OSCP1: variants seen among roughly 807,000 people sequenced by gnomAD.
OSCP1 encodes the protein organic solute carrier partner 1, also known as protein OSCP1.
A neutral mutation model predicts 45.1 loss-of-function variants in OSCP1; 35 were observed. The ratio of observed to expected loss-of-function variants is 0.78; its 90% confidence interval spans 0.59 to 1.03. OSCP1 has a LOEUF of 1.03. Among genes scored for constraint, OSCP1 ranks in the 50% least tolerant of loss-of-function variants. The probability of loss-of-function intolerance (pLI) is 0.00; values close to 1 mark genes in which losing one functional copy is unlikely to be tolerated. For missense variants in OSCP1, 400 were observed against 470.7 expected (o/e 0.85, Z 1.39); for synonymous variants, 179 against 180.1 (o/e 0.99, Z 0.05).
At chr1:36,428,113 C>T in intron 4 of OSCP1, 4 of 296,898 alleles carry the variant, frequency 1.3e-5, no homozygotes, top group Non-Finnish European at 1.9e-5. Context: ...TTGCTTGAAC[C>T]AGGGAGGTGG....
chr1:36,423,439 G>C lies in OSCP1; in HGVS notation c.544C>G (p.Gln182Glu), dbSNP rs1351661519. 21 of 1,612,214 alleles carry C rather than the reference G, an allele frequency of 1.3e-5. No homozygotes were observed. Among genetic ancestry groups the C allele is most frequent in the Non-Finnish European group, 1.7e-5 (20 of 1,179,246 alleles). ...AACACAAAGCGACCGTTATTATTCT[G>C]AACTTTGTCCTTTAGAAACATGGAT... is the stretch of plus-strand genomic sequence containing the variant. ...RVSMFLKDKV[Q>E]NNNGRFVLPV... Residue 182 changes from glutamine (Q) to glutamate (E), a missense_variant, in exon 5 of 10, where the codon CAG becomes GAG. By Grantham distance (29) the Gln-to-Glu change is conservative. Coordinates refer to ENST00000235532, the MANE Select transcript of OSCP1 (RefSeq NM_145047.5).
intron 9 of OSCP1, chr1:36,418,476 G>A: frequency 5.1e-6 from 3 of 589,520 alleles, no homozygotes; most frequent in South Asian, 4.0e-5. Context: ...ATCCCTGGCT[G>A]CTACAGAATA....
At chr1:36,420,376 A>G (rs1457398448) in intron 8 of OSCP1, 100 bp downstream of exon 8, 1 of 1,362,158 alleles carries the variant, frequency 7.3e-7, no homozygotes, top group East Asian at 2.3e-5. Flanking sequence ...TGATATTTAC[A>G]CAAATATTTA....
intron 1 of OSCP1, among the ~76,000 whole-genome samples, chr1:36,441,608 C>T (rs1180853186): frequency 2.6e-5 from 4 of 151,688 alleles, no homozygotes; most frequent in Admixed American, 6.6e-5. Context: ...AAAAATTAGC[C>T]GGGCGTGATG....
chr1:36,449,927 A>C (rs1649792804), intron 1 of OSCP1, among the ~76,000 whole-genome samples: 1 of 145,744 alleles, frequency 6.9e-6, no homozygotes, highest in African/African-American at 2.6e-5. Flanking sequence ...GTATGATACT[A>C]GATGGTGGGC....
chr1:36,419,302 C>G (rs1647472586), intron 8 of OSCP1: 3 of 512,712 alleles, frequency 5.9e-6, no homozygotes, highest in South Asian at 5.6e-5. Context: ...TTGGCAAACT[C>G]CAAGACCTAG....
At chr1:36,424,854 G>C (rs948066672) in intron 4 of OSCP1, among the ~76,000 whole-genome samples, 2 of 152,098 alleles carry the variant, frequency 1.3e-5, no homozygotes, top group Non-Finnish European at 2.9e-5. Flanking sequence ...TATTCTATAA[G>C]GTTATATTAG....
intron 7 of OSCP1, among the ~76,000 whole-genome samples, chr1:36,420,885 A>G (rs1328303504): frequency 2.0e-5 from 3 of 152,052 alleles, no homozygotes; most frequent in Admixed American, 6.6e-5. Context: ...TCCTCTCACT[A>G]CCTTCCTCCT....
chr1:36,418,914 G>A (rs1253150050), intron 9 of OSCP1, 77 bp downstream of exon 9: 9 of 1,229,990 alleles, frequency 7.3e-6, no homozygotes, highest in East Asian at 4.7e-5. Context: ...GTGACAGAGC[G>A]AGACCCTGTC....
In OSCP1 at chr1:36,443,381, G is replaced by T. The variant is rs867560117; in HGVS notation, c.113-4471C>A. On this transcript the variant is annotated intron_variant, in intron 1 of 9. Transcript: ENST00000235532. ...CACACCCAAATGTCAAATGACAGAA[G>T]GTATCTGAGATTTATTTAAAGGCTG... 5.3e-5 allele frequency among the ~76,000 whole-genome samples: 8 copies of T among 152,290 alleles called. No individual in the cohort carries two copies. In the South Asian group the frequency reaches 8.3e-4, roughly 16 times the overall value.
Position 36,418,194 on chromosome 1 carries a change from G to C in OSCP1, c.1085C>G (p.Pro362Arg). 1 of 1,614,168 alleles carries C rather than the reference G, an allele frequency of 6.2e-7. No homozygotes were observed. Among genetic ancestry groups the C allele is most frequent in the South Asian group, 1.1e-5 (1 of 91,080 alleles). Residue 362 changes from proline (P) to arginine (R), a missense_variant, in exon 10 of 10, where the codon CCA (proline) becomes CGA (arginine). Pro to Arg is a moderately radical substitution (Grantham distance 103). Coordinates refer to ENST00000235532, the MANE Select transcript of OSCP1 (RefSeq NM_145047.5). ...GTCCCCTTTGCTGGTGCTCAGCCTTGGCTGCTCCGTGATCTCAAACTCCCC... is the reference window on the plus strand; with the variant it reads ...GTCCCCTTTGCTGGTGCTCAGCCTTCGCTGCTCCGTGATCTCAAACTCCCC... ...IMGEFEITEQ[P>R]RLSTSKGDDL...
intron 1 of OSCP1, among the ~76,000 whole-genome samples, chr1:36,446,217 T>G (rs1035415025): frequency 8.6e-5 from 13 of 151,852 alleles, no homozygotes; most frequent in Admixed American, 7.9e-4. Context: ...GAGATGGGTT[T>G]TCACCATGTT....
At chr1:36,427,633 T>C (rs1648062261) in intron 4 of OSCP1, among the ~76,000 whole-genome samples, 1 of 152,210 alleles carries the variant, frequency 6.6e-6, no homozygotes, top group South Asian at 2.1e-4. Context: ...CTTTTCATTA[T>C]AATGAATTTT....
At chr1:36,426,000 C>A (rs1028516873) in intron 4 of OSCP1, among the ~76,000 whole-genome samples, 5 of 152,070 alleles carry the variant, frequency 3.3e-5, no homozygotes, top group African/African-American at 1.2e-4. Flanking sequence ...TGTAGAGACA[C>A]TTCAGAGATG....
rs1647770492 is a variant in OSCP1 at position 36,423,380 on chromosome 1, T to A, written c.603A>T (p.Glu201Asp). Residue 201 changes from glutamate (E) to aspartate (D), a missense_variant, in exon 5 of 10, where the codon GAA (glutamate) becomes GAT (aspartate). Transcript: ENST00000235532. ...PVSGPVPWGTEVPGLIRMFNN... is the reference protein window; with the variant it reads ...PVSGPVPWGTDVPGLIRMFNN... ...GAATTCACCTGATGAGTCCTGGAAC[T>A]TCAGTTCCCCAAGGAACAGGCCCGG... 6.2e-7 allele frequency: 1 copy of A among 1,611,522 alleles called. No homozygotes were observed. The highest frequency in any genetic ancestry group is 1.3e-5 in the African/African-American group (1 of 74,866).
At chr1:36,427,774 T>G (rs1452385517) in intron 4 of OSCP1, among the ~76,000 whole-genome samples, 2 of 152,242 alleles carry the variant, frequency 1.3e-5, no homozygotes, top group South Asian at 2.1e-4. Flanking sequence ...TATTTTAAAT[T>G]TAATGAAAAA....
intron 4 of OSCP1, chr1:36,428,273 T>C (rs375302937): frequency 1.4e-6 from 2 of 1,478,554 alleles, no homozygotes; most frequent in South Asian, 2.8e-5. Flanking sequence ...GGAAGGGAAA[T>C]ACAATAAGGC....
intron 4 of OSCP1, 94 bp from the exon 5 acceptor site, chr1:36,423,560 T>G: frequency 2.0e-6 from 2 of 978,420 alleles, no homozygotes; most frequent in Non-Finnish European, 3.1e-6. Flanking sequence ...TTTGGGAACA[T>G]GACCTATGAG....
chr1:36,442,474 G>A (rs929212885), intron 1 of OSCP1, among the ~76,000 whole-genome samples: 6 of 152,058 alleles, frequency 3.9e-5, no homozygotes, highest in African/African-American at 7.2e-5. Context: ...AGGGAGGGAC[G>A]GGTCAAAAAT....
Sources: gnomAD v4.1 joint callset for allele counts (sites outside exome capture counted in the v4.1 genomes callset) on GRCh38, gnomAD v4.1.1 for gene constraint, MANE v1.5 for transcripts, NCBI Gene and HGNC (gene_info 2026-07-23, HGNC 2026-07-21) for gene names.